Variants in IGF1R observed in about 807,000 individuals in gnomAD.
IGF1R encodes insulin like growth factor 1 receptor.
In IGF1R, 44 loss-of-function variants were observed where a neutral mutation model predicts 144.6. The observed-to-expected ratio is 0.30, with a 90% CI of 0.24 to 0.39. The LOEUF (loss-of-function observed/expected upper bound fraction) is 0.39, where lower values mean the gene tolerates loss of function less well. Ranked by LOEUF, IGF1R falls within the 10% of genes least tolerant of loss-of-function variation. The pLI, the probability that IGF1R is intolerant of heterozygous loss-of-function variation, is 1.00. For synonymous variants in IGF1R, 795 were observed against 722.8 expected (o/e 1.10, Z -1.60); for missense variants, 1,355 against 1,833.7 (o/e 0.74, Z 4.77).
At chr15:98,949,485 TCTC>T (rs1471903028) in intron 20 of IGF1R, among the ~76,000 whole-genome samples, 1 of 151,516 alleles carries the variant, frequency 6.6e-6, no homozygotes, top group Non-Finnish European at 1.5e-5. Context: ...TTCAAGCAAT[TCTC>T]CTGCCTCACC....
chr15:98,676,265 G>A (rs1201638814), intron 1 of IGF1R, among the ~76,000 whole-genome samples: 1 of 152,088 alleles, frequency 6.6e-6, no homozygotes, highest in African/African-American at 2.4e-5. Flanking sequence ...AACCTCTCGA[G>A]TAGCTGGGAC....
At chr15:98,835,105 A>ACC (rs2057072957) in intron 2 of IGF1R, among the ~76,000 whole-genome samples, 2 of 149,504 alleles carry the variant, frequency 1.3e-5, no homozygotes, top group African/African-American at 4.9e-5. Context: ...ACACACACAC[A>ACC]CACACCCCTA....
At chr15:98,652,561 T>G (rs1477735066) in intron 1 of IGF1R, among the ~76,000 whole-genome samples, 1 of 152,176 alleles carries the variant, frequency 6.6e-6, no homozygotes, top group Non-Finnish European at 1.5e-5. Flanking sequence ...AATGTTTGAT[T>G]TGTCGAAAAA....
intron 10 of IGF1R, chr15:98,917,090 C>T: frequency 1.6e-6 from 1 of 628,868 alleles, no homozygotes; most frequent in Admixed American, 2.2e-5. Flanking sequence ...GCTTGGGTTG[C>T]TGGGGCCACC....
At chr15:98,834,495 G>A (rs1250648356) in intron 2 of IGF1R, among the ~76,000 whole-genome samples, 1 of 152,132 alleles carries the variant, frequency 6.6e-6, no homozygotes, top group Non-Finnish European at 1.5e-5. Context: ...GTTTTATTTT[G>A]CCTTATTTGA....
intron 18 of IGF1R, 62 bp from the exon 19 acceptor site, chr15:98,942,861 C>T: frequency 1.2e-6 from 2 of 1,609,490 alleles, no homozygotes; most frequent in Non-Finnish European, 1.7e-6. Context: ...GTAGGGTCCT[C>T]TGCTGTGACA....
intron 2 of IGF1R, among the ~76,000 whole-genome samples, chr15:98,886,626 T>C (rs554761323): frequency 2.6e-5 from 4 of 152,308 alleles, no homozygotes; most frequent in Admixed American, 1.3e-4. Flanking sequence ...CTTTCCCCCA[T>C]AGCGCCGTAA....
intron 2 of IGF1R, among the ~76,000 whole-genome samples, chr15:98,748,234 A>C (rs2141328101): frequency 6.6e-6 from 1 of 152,314 alleles, no homozygotes; most frequent in South Asian, 2.1e-4. Context: ...TGGTGTAGTC[A>C]TAGCTCACTG....
chr15:98,728,979 G>A (rs932032537), intron 2 of IGF1R, among the ~76,000 whole-genome samples: 2 of 152,218 alleles, frequency 1.3e-5, no homozygotes, highest in African/African-American at 4.8e-5. Flanking sequence ...TTCTAAGGTC[G>A]TTGTGAGAGG....
intron 17 of IGF1R, among the ~76,000 whole-genome samples, chr15:98,936,615 T>A (rs987758368): frequency 2.2e-5 from 2 of 90,190 alleles, no homozygotes; most frequent in Admixed American, 1.8e-4. Flanking sequence ...TTGGGCTTAA[T>A]TTTTTTTTTT....
chr15:98,699,429 T>C (rs536663451), intron 1 of IGF1R, among the ~76,000 whole-genome samples: 2 of 152,314 alleles, frequency 1.3e-5, no homozygotes, highest in East Asian at 3.9e-4. Context: ...TAAGGGTGTT[T>C]TTTGAAATAT....
At chr15:98,652,535 A>T in intron 1 of IGF1R, among the ~76,000 whole-genome samples, 1 of 152,376 alleles carries the variant, frequency 6.6e-6, no homozygotes, top group South Asian at 2.1e-4. Flanking sequence ...TCAGGATTTG[A>T]AATGTAAAAG....
At chr15:98,653,357 C>T (rs545546009) in intron 1 of IGF1R, among the ~76,000 whole-genome samples, 3 of 152,162 alleles carry the variant, frequency 2.0e-5, no homozygotes, top group African/African-American at 7.2e-5. Context: ...CAAAGAAAGA[C>T]ATTGCTGTTT....
chr15:98,824,839 C>T (rs62023608), intron 2 of IGF1R, among the ~76,000 whole-genome samples: 1 of 151,592 alleles, frequency 6.6e-6, no homozygotes, highest in African/African-American at 2.4e-5. Flanking sequence ...AACTTTTCTT[C>T]TTCTTTTTTT....
chr15:98,765,007 A>G (rs1013218179), intron 2 of IGF1R, among the ~76,000 whole-genome samples: 4 of 152,142 alleles, frequency 2.6e-5, no homozygotes, highest in African/African-American at 9.7e-5. Flanking sequence ...ACCAGTCTGC[A>G]TTCTGTTTCT....
At position 98,691,427 on chromosome 15, in the gene IGF1R, A is replaced by C. The variant is rs375014089; in HGVS notation, c.95-16135A>C. Among the ~76,000 whole-genome samples, 3 of 150,054 alleles carry C rather than the reference A, an allele frequency of 2.0e-5. 1 individual carries two copies. The highest frequency in any genetic ancestry group is 7.4e-5 in the African/African-American group (3 of 40,724). ...CTCCCAAGCTGGAGTGCAATGGTGC[A>C]ACCTCGACTCACTGCAACTTCTGCC... On this transcript the variant is annotated intron_variant, in intron 1 of 20. Transcript: ENST00000650285.
chr15:98,796,288 GTT>G (rs2056239890), intron 2 of IGF1R, among the ~76,000 whole-genome samples: 1 of 152,080 alleles, frequency 6.6e-6, no homozygotes, highest in Non-Finnish European at 1.5e-5. Flanking sequence ...TGTGGGGGTG[GTT>G]GGTTGGGGTT....
Position 98,889,339 on chromosome 15 carries a change from C to T in IGF1R, c.641-1986C>T, listed in dbSNP as rs756945800. Among the ~76,000 whole-genome samples, 14 of 152,216 alleles carry T rather than the reference C, an allele frequency of 9.2e-5. No homozygotes were observed. In the East Asian group the frequency reaches 1.2e-3, roughly 13 times the overall value. The stretch of plus-strand genomic sequence containing the variant: ...TGTTTTCAAGTTCACCTATTTGCAG[C>T]GAAATAGGAACTCTTGGAGGCAACT... On this transcript the variant is annotated intron_variant, in intron 2 of 20. Coordinates refer to ENST00000650285, the MANE Select transcript of IGF1R (RefSeq NM_000875.5).
chr15:98,942,477 G>A (rs1057039646), intron 18 of IGF1R, among the ~76,000 whole-genome samples: 1 of 152,036 alleles, frequency 6.6e-6, no homozygotes, highest in African/African-American at 2.4e-5. Context: ...AGGAACACAG[G>A]CGCACACCAC....
Sources: allele counts gnomAD v4.1 joint callset (sites outside exome capture counted in the v4.1 genomes callset), GRCh38; gene constraint gnomAD v4.1.1; transcripts MANE v1.5; gene names NCBI Gene and HGNC (gene_info 2026-07-23, HGNC 2026-07-21).